MYO1F: variants seen among roughly 807,000 people sequenced by gnomAD.
MYO1F encodes the protein unconventional myosin-If.
Under a neutral mutation model 146.6 loss-of-function variants are expected in MYO1F, and 60 were observed. The ratio of observed to expected loss-of-function variants is 0.41; its 90% CI spans 0.33 to 0.51. The LOEUF is 0.51. MYO1F is among the 20% of genes least tolerant of loss of function. The pLI is 0.25. For missense variants in MYO1F, 1,274 were observed against 1,534.3 expected (o/e 0.83, Z 2.83); for synonymous variants, 602 against 602.1 (o/e 1.00, Z 0.00).
At chr19:8,535,431 C>G (rs76305252) in intron 19 of MYO1F, among the ~76,000 whole-genome samples, 5,093 of 151,826 alleles carry the variant, frequency 0.034, 114 homozygotes, top group Non-Finnish European at 0.054. Context: ...AGTTATTTTT[C>G]TTTTTTCTTT....
intron 1 of MYO1F, among the ~76,000 whole-genome samples, chr19:8,566,876 A>G (rs187303140): frequency 7.9e-5 from 12 of 151,948 alleles, no homozygotes; most frequent in East Asian, 7.7e-4. Context: ...GAGTCTCGCT[A>G]TGTTGCCTAG....
At chr19:8,525,804 C>A (rs949006762) in intron 24 of MYO1F, among the ~76,000 whole-genome samples, 2 of 152,270 alleles carry the variant, frequency 1.3e-5, no homozygotes, top group Admixed American at 1.3e-4. Flanking sequence ...TCATCACTAC[C>A]CAGTTCCAGG....
Position 8,548,252 on chromosome 19 carries a change from GCC to G in MYO1F, c.1165_1166del (p.Gly389LeufsTer19). On this transcript the variant is annotated frameshift_variant, in exon 11 of 28. Coordinates refer to ENST00000644032, the MANE Select transcript of MYO1F (RefSeq NM_012335.4). LOFTEE classifies it high-confidence loss of function. ...EYSIGVLDIY[G>X]FEIFQKNGFE... Reference sequence around the variant, plus strand: ...GGGGCCGTACCTGGAAGATCTCGAAGCCGTAAATGTCCAGCACACCGATGCTG... The same window carrying G: ...GGGGCCGTACCTGGAAGATCTCGAAGGTAAATGTCCAGCACACCGATGCTG... The G allele has an allele frequency of 6.2e-7, 1 of 1,614,038 alleles. No homozygotes were observed. Among genetic ancestry groups the G allele is most frequent in the Non-Finnish European group, 8.5e-7 (1 of 1,180,012 alleles).
chr19:8,568,651 G>T (rs2042054001), intron 1 of MYO1F, among the ~76,000 whole-genome samples: 1 of 151,994 alleles, frequency 6.6e-6, no homozygotes, highest in Non-Finnish European at 1.5e-5. Flanking sequence ...GCCGCGCATG[G>T]TGGCTCACGC....
intron 25 of MYO1F, 34 bp downstream of exon 25, chr19:8,525,445 A>T: frequency 6.3e-7 from 1 of 1,588,568 alleles, no homozygotes. Context: ...CCCACAACAG[A>T]CAAGGGAATA....
intron 25 of MYO1F, among the ~76,000 whole-genome samples, chr19:8,524,619 A>G (rs1026965765): frequency 2.7e-5 from 4 of 150,878 alleles, no homozygotes; most frequent in Middle Eastern, 6.9e-3. Flanking sequence ...TTTGGTAGAG[A>G]CAGGATCTTG....
rs10401267 is a variant in MYO1F at position 8,541,891 on chromosome 19, C to T, written c.1610+15G>A. 2,238 of 1,609,082 alleles carry T rather than the reference C, an allele frequency of 1.4e-3. 29 individuals carry two copies. The African/African-American group carries it at 0.027, about 19-fold the overall frequency. ...GGGGTTGTAGCCGGAGGTCCCCATG[C>T]CTGGGACCACTCACTGCTCACTGGT... On this transcript the variant is annotated intron_variant, in intron 15 of 27. Coordinates refer to ENST00000644032, the MANE Select transcript of MYO1F (RefSeq NM_012335.4).
intron 14 of MYO1F, among the ~76,000 whole-genome samples, chr19:8,543,699 G>C (rs560086044): frequency 0.027 from 517 of 18,808 alleles, 11 homozygotes; most frequent in South Asian, 0.037. Flanking sequence ...GGTGGTGGTG[G>C]TGGTGGTGCT....
Position 8,544,456 on chromosome 19 carries a change from T to TG in MYO1F, c.1364dup (p.Gly456ArgfsTer81). 2 of 1,608,848 alleles carry TG rather than the reference T, an allele frequency of 1.2e-6. No individual in the cohort carries two copies. The highest frequency in any genetic ancestry group is 1.7e-6 in the Non-Finnish European group (2 of 1,179,494). ...CGTCGTCCAAGACGCTCATGATGCC[T>TG]GGGGGGCTCTGCGGGGCGAGCGGGA... On this transcript the variant is annotated frameshift_variant, in exon 14 of 28. Transcript: ENST00000644032. LOFTEE classifies it high-confidence loss of function.
intron 27 of MYO1F, among the ~76,000 whole-genome samples, chr19:8,522,124 G>A (rs1972082482): frequency 6.6e-6 from 1 of 150,694 alleles, no homozygotes; most frequent in South Asian, 2.1e-4. Flanking sequence ...CCGGGTTCAT[G>A]CCATTCTCCT....
At chr19:8,550,844 T>G (rs1599986996) in intron 8 of MYO1F, 150 bp from the exon 9 acceptor site, 1 of 935,014 alleles carries the variant, frequency 1.1e-6, no homozygotes. Flanking sequence ...CGCGTGACCT[T>G]GGGTAAGTGC....
chr19:8,548,109 T>C lies in MYO1F; in HGVS notation c.1196A>G (p.Glu399Gly). 1 of 1,613,748 alleles carries C rather than the reference T, an allele frequency of 6.2e-7. No homozygotes were observed. The highest frequency in any genetic ancestry group is 8.5e-7 in the Non-Finnish European group (1 of 1,179,900). ...ATTGACGAAGTTGATGCAAAACTGCTCGAAGCCATTTTTCTGCAGAAGGAG... is the reference window on the plus strand; with the variant it reads ...ATTGACGAAGTTGATGCAAAACTGCCCGAAGCCATTTTTCTGCAGAAGGAG... ...GFEIFQKNGF[E>G]QFCINFVNEK... The change falls in exon 12 of 28, where the codon GAG becomes GGG. Residue 399 changes from glutamate (E) to glycine (G), a missense_variant. By Grantham distance (98) the Glu-to-Gly change is moderately conservative. Coordinates refer to ENST00000644032, the MANE Select transcript of MYO1F (RefSeq NM_012335.4).
chr19:8,527,046 A>C, intron 22 of MYO1F, 111 bp from the exon 23 acceptor site: 1 of 1,407,678 alleles, frequency 7.1e-7, no homozygotes, highest in Non-Finnish European at 9.8e-7. Flanking sequence ...GCTAAGGGCC[A>C]AGTCAGCGGT....
intron 14 of MYO1F, 99 bp downstream of exon 14, chr19:8,544,198 A>G: frequency 7.8e-7 from 1 of 1,277,984 alleles, no homozygotes; most frequent in Non-Finnish European, 1.1e-6. Context: ...GGGTCCTAGC[A>G]GGCTCTTTCC....
intron 25 of MYO1F, among the ~76,000 whole-genome samples, chr19:8,524,854 G>A (rs900019298): frequency 2.6e-5 from 4 of 152,120 alleles, no homozygotes; most frequent in African/African-American, 4.8e-5. Context: ...CAGAGAAAAC[G>A]GCCCAAAGGC....
At chr19:8,547,315 A>AG (rs1973405083) in intron 12 of MYO1F, among the ~76,000 whole-genome samples, 2 of 149,554 alleles carry the variant, frequency 1.3e-5, no homozygotes, top group Non-Finnish European at 3.0e-5. Context: ...AAAAAAAAAA[A>AG]AAAAAAAAAG....
chr19:8,561,461 T>TTC, intron 1 of MYO1F, among the ~76,000 whole-genome samples: 1 of 122,378 alleles, frequency 8.2e-6, no homozygotes, highest in African/African-American at 3.3e-5. Flanking sequence ...CCTCTCTCCC[T>TTC]CTCTCTCTCT....
At chr19:8,554,835 C>T in intron 2 of MYO1F, 92 bp from the exon 3 acceptor site, 1 of 1,187,804 alleles carries the variant, frequency 8.4e-7, no homozygotes, top group Non-Finnish European at 1.2e-6. Flanking sequence ...CCTAAAACTC[C>T]ATTGCTTGGA....
chr19:8,530,492 C>A lies in MYO1F; in HGVS notation c.2125G>T (p.Ala709Ser), dbSNP rs1354461808. Residue 709 changes from alanine (A) to serine (S), a missense_variant, in exon 20 of 28, where the codon GCT (alanine) becomes TCT (serine). Transcript: ENST00000644032. The surrounding 1 kb of genome is among the most constrained non-coding windows in gnomAD (Gnocchi z 5.8). ...CGCATCTCCTCGTACTTCCGGACAGCCACGTGGCGCCGCCAGGCCTTCTGG... is the reference window on the plus strand; with the variant it reads ...CGCATCTCCTCGTACTTCCGGACAGACACGTGGCGCCGCCAGGCCTTCTGG... Reference protein sequence around the residue: ...TIQKAWRRHVAVRKYEEMREE... With the variant: ...TIQKAWRRHVSVRKYEEMREE... The A allele has an allele frequency of 6.2e-7, 1 of 1,613,730 alleles. No homozygotes were observed. Among genetic ancestry groups the A allele is most frequent in the Non-Finnish European group, 8.5e-7 (1 of 1,180,018 alleles).
Sources: gnomAD v4.1 joint callset for allele counts (sites outside exome capture counted in the v4.1 genomes callset) on GRCh38, gnomAD v4.1.1 for gene constraint, Gnocchi (gnomAD v3.1) non-coding constraint, MANE v1.5 for transcripts, NCBI Gene and HGNC (gene_info 2026-07-23, HGNC 2026-07-21) for gene names.